CALML6: variants seen among roughly 807,000 people sequenced by gnomAD.
The protein encoded by CALML6 is calmodulin-like protein 6.
Under a neutral mutation model 25.0 loss-of-function variants are expected in CALML6, and 27 were observed. That is an observed-to-expected ratio of 1.08 (90% CI 0.80 to 1.49). The LOEUF (loss-of-function observed/expected upper bound fraction) is 1.49. CALML6 is among the 40% of genes most tolerant of loss of function. The pLI is 0.00. For synonymous variants in CALML6, 97 were observed against 87.2 expected, an observed-to-expected ratio of 1.11 and a Z score of -0.63; for missense variants, 239 against 232.7, an observed-to-expected ratio of 1.03 and a Z score of -0.18.
chr1:1,915,950 A>G, intron 2 of CALML6: 2 of 602,988 alleles, frequency 3.3e-6, no homozygotes, highest in African/African-American at 1.8e-5. Context: ...GGGCAGCAGC[A>G]GTGGTGGCAG....
Position 1,916,831 on chromosome 1 carries a change from G to C in CALML6, c.333G>C (p.Glu111Asp). 21 of 1,613,346 alleles carry C rather than the reference G, an allele frequency of 1.3e-5. No homozygotes were observed. The highest frequency in any genetic ancestry group is 1.8e-5 in the Non-Finnish European group (21 of 1,179,986). The change falls in exon 4 of 6, where the codon GAG becomes GAC. Residue 111 changes from glutamate (E) to aspartate (D), a missense_variant. Coordinates refer to ENST00000307786, the MANE Select transcript of CALML6 (RefSeq NM_138705.4). The stretch of plus-strand genomic sequence containing the variant: ...AGAAGGCCCAGAACCAGGAGAGCGA[G>C]CTGAGGGCGGCATTCCGTGTCTTTG... The part of the protein sequence containing the change: ...YHEKAQNQES[E>D]LRAAFRVFDK...
At chr1:1,915,385 G>A in intron 1 of CALML6, 78 bp downstream of exon 1, 18 of 1,544,490 alleles carry the variant, frequency 1.2e-5, no homozygotes, top group Non-Finnish European at 1.5e-5. Flanking sequence ...TAGACTTGGA[G>A]CTTGGTCCAG....
rs768558665 is a variant in CALML6 at position 1,917,105 on chromosome 1, G to A, written c.499+31G>A. The A allele has an allele frequency of 1.9e-6, 3 of 1,609,148 alleles. No homozygotes were observed. In the South Asian group the frequency reaches 3.3e-5, roughly 18 times the overall value. On this transcript the variant is annotated intron_variant, in intron 5 of 5. Coordinates refer to ENST00000307786, the MANE Select transcript of CALML6 (RefSeq NM_138705.4). Reference sequence around the variant, plus strand: ...TGGCCTGGAGCCCTGGGAGCCGTTGGCTGGGCCGGGGCAAGCTGCTGACCT... The same window carrying A: ...TGGCCTGGAGCCCTGGGAGCCGTTGACTGGGCCGGGGCAAGCTGCTGACCT...
At position 1,915,573 on chromosome 1, in the gene CALML6, G is replaced by A. The variant is rs868167728; in HGVS notation, c.28-112G>A. On this transcript the variant is annotated intron_variant, in intron 1 of 5. Coordinates refer to ENST00000307786, the MANE Select transcript of CALML6 (RefSeq NM_138705.4). Reference sequence around the variant, plus strand: ...CGAGAGCCTGTCCCAAAATAGGGCCGGCAGGATTTCCCACCCATAAAAGGC... The same window carrying A: ...CGAGAGCCTGTCCCAAAATAGGGCCAGCAGGATTTCCCACCCATAAAAGGC... The A allele has an allele frequency of 2.3e-4, 307 of 1,310,748 alleles. 6 individuals carry two copies. The Middle Eastern group carries it at 2.4e-3, about 10-fold the overall frequency. The allele number at this position is 1,310,748 out of a possible 1,614,324, so 81.2% of individuals were successfully genotyped here.
Position 1,916,587 on chromosome 1 carries a change from C to T in CALML6, c.225C>T (p.Ala75=), listed in dbSNP as rs28547095. ...LGINPTKSEL[A]SMAKDVDRDN... is the part of the protein sequence containing the mutation. ...TCAACCCCACCAAGAGTGAGCTGGC[C>T]TCAATGGCCAAGGATGTGGACAGAG... The change falls in exon 3 of 6, where the codon GCC becomes GCT. Residue 75 remains alanine (A), a synonymous_variant. Coordinates refer to ENST00000307786, the MANE Select transcript of CALML6 (RefSeq NM_138705.4). 5 of 1,609,000 alleles carry T rather than the reference C, an allele frequency of 3.1e-6. No homozygotes were observed. The highest frequency in any genetic ancestry group is 3.4e-6 in the Non-Finnish European group (4 of 1,177,792).
In CALML6 at chr1:1,915,311, A is replaced by G. The variant is rs1406163864; in HGVS notation, c.27+4A>G. The G allele has an allele frequency of 6.4e-7, 1 of 1,554,952 alleles. No individual in the cohort carries two copies. Among genetic ancestry groups the G allele is most frequent in the Admixed American group, 1.9e-5 (1 of 51,676 alleles). On this transcript the variant is annotated splice_donor_region_variant and intron_variant, in intron 1 of 5. Transcript: ENST00000307786. ...TCTTCAACAAGAAATCTCACTGGTA[A>G]GTGATGACAGCATGGGACCAGGGTC...
At chr1:1,916,120 C>T in intron 2 of CALML6, 1 of 422,754 alleles carries the variant, frequency 2.4e-6, no homozygotes, top group South Asian at 3.5e-5. Flanking sequence ...TCACCTGCCT[C>T]ACCTGGTGTC....
intron 1 of CALML6, 113 bp from the exon 2 acceptor site, chr1:1,915,572 C>A: frequency 7.7e-7 from 1 of 1,300,898 alleles, no homozygotes; most frequent in Non-Finnish European, 1.1e-6. Flanking sequence ...AAAATAGGGC[C>A]GGCAGGATTT....
chr1:1,915,567 AG>A (rs1651079918), intron 1 of CALML6, 117 bp from the exon 2 acceptor site: 2 of 1,286,314 alleles, frequency 1.6e-6, no homozygotes, highest in Admixed American at 2.1e-5. Flanking sequence ...GTCCCAAAAT[AG>A]GGCCGGCAGG....
intron 3 of CALML6, 55 bp from the exon 4 acceptor site, chr1:1,916,697 A>G (rs1364926696): frequency 5.0e-6 from 8 of 1,610,694 alleles, no homozygotes; most frequent in African/African-American, 1.3e-5. Flanking sequence ...GAAGAGGCAA[A>G]GCCCATGGGG....
At position 1,916,392 on chromosome 1, in the gene CALML6, CAG is replaced by C. The variant is rs1012746120; in HGVS notation, c.79-48_79-47del. Reference sequence around the variant, plus strand: ...GGTACCTCTGACCCTTCCCTGGACACAGGGGCAGAAGGGGCTCCTGGTCAGGC... The same window carrying C: ...GGTACCTCTGACCCTTCCCTGGACACGGGCAGAAGGGGCTCCTGGTCAGGC... On this transcript the variant is annotated intron_variant, in intron 2 of 5. Coordinates refer to ENST00000307786, the MANE Select transcript of CALML6 (RefSeq NM_138705.4). The C allele has an allele frequency of 3.5e-5, 51 of 1,463,324 alleles. No individual in the cohort carries two copies. The African/African-American group carries it at 5.4e-4, about 16-fold the overall frequency. 90.6% of individuals were successfully genotyped at this position (1,463,324 alleles called of 1,614,324 possible). A position where few individuals can be genotyped will look rare whatever the true frequency, so the allele number is the denominator to read the frequency against.
chr1:1,916,930 G>GGGGGGGGGGGGGGGGGGGGGGC, intron 4 of CALML6, 34 bp downstream of exon 4: 1 of 664,944 alleles, frequency 1.5e-6, no homozygotes, highest in Non-Finnish European at 2.6e-6. Context: ...TGGTGGGCGG[G>GGGGGGGGGGGGGGGGGGGGGGC]CACGGGCAGG....
intron 4 of CALML6, 31 bp downstream of exon 4, chr1:1,916,927 C>CCGGGGGGGGGGGGGGGGGGGGGGG: frequency 2.1e-6 from 1 of 472,234 alleles, no homozygotes. Flanking sequence ...GGGTGGTGGG[C>CCGGGGGGGGGGGGGGGGGGGGGGG]GGGCACGGGC....
intron 1 of CALML6, 137 bp from the exon 2 acceptor site, chr1:1,915,548 C>G (rs934030401): frequency 1.6e-6 from 2 of 1,234,966 alleles, no homozygotes; most frequent in Non-Finnish European, 1.1e-6. Flanking sequence ...TGGATAAGGC[C>G]GAGAGCCTGT....
rs1557971926 is a variant in CALML6 at position 1,916,751 on chromosome 1, GA to G, written c.254del (p.Asn85ThrfsTer13). 3.1e-6 allele frequency: 5 copies of G among 1,613,530 alleles called. No individual in the cohort carries two copies. In the South Asian group the frequency reaches 5.5e-5, roughly 18 times the overall value. On this transcript the variant is annotated frameshift_variant and splice_region_variant, in exon 4 of 6. Coordinates refer to ENST00000307786, the MANE Select transcript of CALML6 (RefSeq NM_138705.4). LOFTEE classifies it high-confidence loss of function. ...ASMAKDVDRD[N>X]KGFFNCDGFL... The stretch of plus-strand genomic sequence containing the variant: ...TTGAGCCCCAGCTGTGCCCCTTGCA[GA>G]CAAAGGGTTCTTCAACTGCGATGGT...
chr1:1,915,746 T>C lies in CALML6; in HGVS notation c.78+11T>C. 6.2e-7 allele frequency: 1 copy of C among 1,613,138 alleles called. No individual in the cohort carries two copies. On this transcript the variant is annotated intron_variant, in intron 2 of 5. Coordinates refer to ENST00000307786, the MANE Select transcript of CALML6 (RefSeq NM_138705.4). ...ACAACCACCGACATGGTAAGGCTGC[T>C]CTCTGTGCCCGATGGAGTCTCTGGT...
chr1:1,915,620 G>C lies in CALML6; in HGVS notation c.28-65G>C. The C allele has an allele frequency of 2.6e-6, 4 of 1,562,496 alleles. No homozygotes were observed. In the South Asian group the frequency reaches 3.4e-5, roughly 13 times the overall value. On this transcript the variant is annotated intron_variant, in intron 1 of 5. Transcript: ENST00000307786. ...AGGCTCTTGGAATCTGGACCCCGGG[G>C]ACCCCAGGCAGCCAGGCCCAGCTAA...
intron 5 of CALML6, 23 bp from the exon 6 acceptor site, chr1:1,917,124 C>T: frequency 1.2e-6 from 2 of 1,608,524 alleles, no homozygotes; most frequent in South Asian, 1.1e-5. Flanking sequence ...GGGCAAGCTG[C>T]TGACCTGCCC....
intron 2 of CALML6, 103 bp from the exon 3 acceptor site, chr1:1,916,334 TGAAA>T: frequency 9.2e-7 from 1 of 1,083,962 alleles, no homozygotes; most frequent in Non-Finnish European, 1.3e-6. Context: ...CCACTCACCT[TGAAA>T]GGCTGCCAAT....
Sources: allele counts gnomAD v4.1 joint callset, GRCh38; gene constraint gnomAD v4.1.1; transcripts MANE v1.5; gene names NCBI Gene and HGNC (gene_info 2026-07-23, HGNC 2026-07-21).